The following GHR variants were observed in gnomAD, a reference collection of about 807,000 sequenced individuals.
GHR encodes growth hormone receptor.
GHR carries 35 observed loss-of-function variants against 67.1 expected under a neutral mutation model. The ratio of observed to expected loss-of-function variants is 0.52; its 90% CI spans 0.40 to 0.69. The LOEUF (loss-of-function observed/expected upper bound fraction) is 0.69. Ranked by LOEUF, GHR falls within the 30% of genes least tolerant of loss-of-function variation. The probability of loss-of-function intolerance (pLI) is 0.00; values close to 1 mark genes in which losing one functional copy is unlikely to be tolerated. For missense variants in GHR, 792 were observed against 764.6 expected (o/e 1.04, Z -0.42); for synonymous variants, 272 against 269.1 (o/e 1.01, Z -0.10).
intron 1 of GHR, among the ~76,000 whole-genome samples, chr5:42,558,719 C>T (rs1328355826): frequency 1.3e-5 from 2 of 152,166 alleles, no homozygotes; most frequent in Non-Finnish European, 2.9e-5. Flanking sequence ...TAGGCTATAC[C>T]ATCTAGGTTT....
In GHR at chr5:42,424,610, T is replaced by G; in HGVS notation, c.-12+655T>G. The G allele has an allele frequency of 1.3e-6, 2 of 1,534,176 alleles. No homozygotes were observed. Among genetic ancestry groups the G allele is most frequent in the Non-Finnish European group, 1.7e-6 (2 of 1,145,666 alleles). ...CCGCATGAACTGGGGTAAGTGGAAA[T>G]TGTGGCGAGCCGACCTCCCCCAGCT... is the stretch of plus-strand genomic sequence containing the variant. On this transcript the variant is annotated intron_variant, in intron 1 of 9. Transcript: ENST00000230882. This position sits in a 1 kb window ranked among gnomAD's most constrained non-coding sequence, Gnocchi z 4.1.
chr5:42,643,984 G>T (rs969847650), intron 3 of GHR, among the ~76,000 whole-genome samples: 2 of 152,038 alleles, frequency 1.3e-5, no homozygotes, highest in Admixed American at 6.6e-5. Context: ...ATAGTTGGTG[G>T]AATAAAGTTG....
chr5:42,565,673 T>C, intron 1 of GHR, 191 bp from the exon 2 acceptor site: 4 of 985,346 alleles, frequency 4.1e-6, no homozygotes, highest in African/African-American at 1.7e-5. Context: ...GTAGAATTTA[T>C]TACAACCTGC....
intron 2 of GHR, among the ~76,000 whole-genome samples, chr5:42,599,519 C>G (rs1281840561): frequency 6.6e-6 from 1 of 151,916 alleles, no homozygotes; most frequent in Non-Finnish European, 1.5e-5. Context: ...CACCACCACA[C>G]CTGGCTAATT....
In GHR at chr5:42,566,059, G is replaced by A. The variant is rs539017521; in HGVS notation, c.70+115G>A. The A allele has an allele frequency of 5.4e-5, 67 of 1,234,322 alleles. No individual in the cohort carries two copies. The African/African-American group carries it at 9.0e-4, about 17-fold the overall frequency. 76.5% of individuals were successfully genotyped at this position (1,234,322 alleles called of 1,614,324 possible). On this transcript the variant is annotated intron_variant, in intron 2 of 9. Coordinates refer to ENST00000230882, the MANE Select transcript of GHR (RefSeq NM_000163.5). The stretch of plus-strand genomic sequence containing the variant: ...TAAAAGATGCAAGTTTTACATAGCA[G>A]CAAAAAGGAAACTTGACTTAGCTTT...
At chr5:42,524,336 C>T (rs1451296519) in intron 1 of GHR, among the ~76,000 whole-genome samples, 1 of 152,096 alleles carries the variant, frequency 6.6e-6, no homozygotes, top group Non-Finnish European at 1.5e-5. Context: ...AAATATGACT[C>T]TTGTTATGTT....
At chr5:42,594,647 A>G (rs1431213542) in intron 2 of GHR, among the ~76,000 whole-genome samples, 1 of 152,186 alleles carries the variant, frequency 6.6e-6, no homozygotes, top group Non-Finnish European at 1.5e-5. Context: ...AAACACTGTC[A>G]CTTGTAAAAC....
Position 42,630,429 on chromosome 5 carries a change from G to A in GHR, c.136+1326G>A, listed in dbSNP as rs1044615002. On this transcript the variant is annotated intron_variant, in intron 3 of 9. Coordinates refer to ENST00000230882, the MANE Select transcript of GHR (RefSeq NM_000163.5). ...ATTCTTGTTGTTATTCTAGAGTCAC[G>A]AAATCATAATTTGAATTTTATGACT... Among the ~76,000 whole-genome samples, 20 of 131,948 alleles carry A rather than the reference G, an allele frequency of 1.5e-4. 4 individuals carry two copies. The highest frequency in any genetic ancestry group is 2.6e-4 in the African/African-American group (8 of 31,290). The allele number at this position is 131,948 out of a possible 152,430, so 86.6% of individuals were successfully genotyped here.
At position 42,719,221 on chromosome 5, in the gene GHR, C is replaced by T. The variant is rs1403146065; in HGVS notation, c.1714C>T (p.Leu572Phe). Reference sequence around the variant, plus strand: ...GGACATTTACATCACCACAGAAAGCCTTACCACTGCTGCTGGGAGGCCTGG... The same window carrying T: ...GGACATTTACATCACCACAGAAAGCTTTACCACTGCTGCTGGGAGGCCTGG... The part of the protein sequence containing the change: ...QEDIYITTES[L>F]TTAAGRPGTG... Residue 572 changes from leucine (L) to phenylalanine (F), a missense_variant, in exon 10 of 10, where the codon CTT becomes TTT. Transcript: ENST00000230882. The T allele has an allele frequency of 3.1e-6, 5 of 1,614,094 alleles. No individual in the cohort carries two copies. In the East Asian group the frequency reaches 8.9e-5, roughly 29 times the overall value.
intron 1 of GHR, among the ~76,000 whole-genome samples, chr5:42,551,591 G>A (rs1297246808): frequency 6.6e-6 from 1 of 152,156 alleles, no homozygotes; most frequent in Non-Finnish European, 1.5e-5. Context: ...AAGGGATGGA[G>A]TAACCAACTG....
chr5:42,474,253 C>CATACAGAAAGAAAGAAAGAA (rs1745143649), intron 1 of GHR, among the ~76,000 whole-genome samples: 1 of 50,640 alleles, frequency 2.0e-5, no homozygotes, highest in Non-Finnish European at 3.9e-5. Context: ...GAGAGAAAGA[C>CATACAGAAAGAAAGAAAGAA]AGACAGAAAG....
intron 3 of GHR, among the ~76,000 whole-genome samples, chr5:42,632,209 A>AT (rs1029078237): frequency 1.8e-4 from 28 of 152,150 alleles, no homozygotes; most frequent in African/African-American, 6.3e-4. Flanking sequence ...GGCACACTGT[A>AT]TTTTCCCTCC....
At chr5:42,644,901 G>A (rs1754655122) in intron 3 of GHR, among the ~76,000 whole-genome samples, 1 of 152,028 alleles carries the variant, frequency 6.6e-6, no homozygotes, top group South Asian at 2.1e-4. Context: ...TCATCCTCAA[G>A]TAAACACAAT....
intron 1 of GHR, among the ~76,000 whole-genome samples, chr5:42,432,875 A>G (rs1743155599): frequency 6.6e-6 from 1 of 152,252 alleles, no homozygotes; most frequent in African/African-American, 2.4e-5. Context: ...GCCATAGAAT[A>G]GGTGTTCAGT....
At position 42,479,360 on chromosome 5, in the gene GHR, T is replaced by TAGAGACA. The variant is rs1745500346; in HGVS notation, c.-12+55405_-12+55406insAGAGACA. Among the ~76,000 whole-genome samples the TAGAGACA allele has an allele frequency of 2.0e-5, 3 of 152,314 alleles. No homozygotes were observed. The South Asian group carries it at 6.2e-4, about 32-fold the overall frequency. On this transcript the variant is annotated intron_variant, in intron 1 of 9. Coordinates refer to ENST00000230882, the MANE Select transcript of GHR (RefSeq NM_000163.5). ...TCTAAAATTCTCTTTTTTGGTTGTG[T>TAGAGACA]CTCTGCCAGGCTTTGGTATCAGGAT...
intron 1 of GHR, among the ~76,000 whole-genome samples, chr5:42,490,017 AC>A (rs1746046790): frequency 6.6e-6 from 1 of 152,238 alleles, no homozygotes. Context: ...GAGATATCTC[AC>A]ATAAAAAGCT....
At chr5:42,585,492 C>T (rs1164967260) in intron 2 of GHR, among the ~76,000 whole-genome samples, 1 of 152,240 alleles carries the variant, frequency 6.6e-6, no homozygotes, top group Admixed American at 6.5e-5. Flanking sequence ...ATCCAATCTC[C>T]ACACCTGGAA....
chr5:42,513,660 T>C (rs1747118583), intron 1 of GHR, among the ~76,000 whole-genome samples: 2 of 151,980 alleles, frequency 1.3e-5, no homozygotes, highest in Non-Finnish European at 2.9e-5. Context: ...TGCATGCCTG[T>C]AATCCCAGCT....
chr5:42,465,825 C>CT, intron 1 of GHR: 1 of 772,222 alleles, frequency 1.3e-6, no homozygotes, highest in South Asian at 1.4e-5. Flanking sequence ...CCACCATGAC[C>CT]TTGAATAGGT....
Sources: allele counts gnomAD v4.1 joint callset (sites outside exome capture counted in the v4.1 genomes callset), GRCh38; gene constraint gnomAD v4.1.1; non-coding constraint Gnocchi (gnomAD v3.1); transcripts MANE v1.5; gene names NCBI Gene and HGNC (gene_info 2026-07-23, HGNC 2026-07-21).